The following SPO11 variants were observed in gnomAD, a reference collection of about 807,000 sequenced individuals.
SPO11 encodes meiotic recombination protein SPO11.
In SPO11, 49 loss-of-function variants were observed where a neutral mutation model predicts 51.6. The ratio of observed to expected loss-of-function variants is 0.95; its 90% CI spans 0.75 to 1.20. The LOEUF (loss-of-function observed/expected upper bound fraction) is 1.20. Among genes scored for constraint, SPO11 ranks in the 50% most tolerant of loss-of-function variants. SPO11 has a pLI of 0.00. For synonymous variants in SPO11, 176 were observed against 158.2 expected (o/e 1.11, Z -0.84); for missense variants, 431 against 473.4 (o/e 0.91, Z 0.83).
chr20:57,339,761 CAG>C (rs1235907822), intron 10 of SPO11, among the ~76,000 whole-genome samples: 4 of 152,214 alleles, frequency 2.6e-5, no homozygotes, highest in African/African-American at 9.6e-5. Flanking sequence ...TGTTTTGAGA[CAG>C]GGTCTCACTC....
At chr20:57,331,067 A>G (rs943326468) in intron 1 of SPO11, among the ~76,000 whole-genome samples, 1 of 152,236 alleles carries the variant, frequency 6.6e-6, no homozygotes, top group Non-Finnish European at 1.5e-5. Flanking sequence ...CCCGTTTTCT[A>G]GAGTGCATTT....
intron 1 of SPO11, among the ~76,000 whole-genome samples, chr20:57,331,580 A>G (rs2066450802): frequency 6.6e-6 from 1 of 152,234 alleles, no homozygotes; most frequent in Non-Finnish European, 1.5e-5. Context: ...GAGAAGTAAA[A>G]TTACAAGCAA....
chr20:57,330,967 G>A (rs979256436), intron 1 of SPO11, among the ~76,000 whole-genome samples: 3 of 152,132 alleles, frequency 2.0e-5, no homozygotes, highest in Non-Finnish European at 2.9e-5. Context: ...TATTAGAATA[G>A]ATTAAATGTT....
At chr20:57,340,753 C>G (rs913685519) in intron 11 of SPO11, among the ~76,000 whole-genome samples, 1 of 151,512 alleles carries the variant, frequency 6.6e-6, no homozygotes, top group African/African-American at 2.4e-5. Flanking sequence ...GGTGACAGAG[C>G]TTGACTCTGT....
chr20:57,338,683 A>T (rs572910113), intron 9 of SPO11, among the ~76,000 whole-genome samples: 10 of 151,956 alleles, frequency 6.6e-5, no homozygotes, highest in African/African-American at 2.2e-4. Flanking sequence ...GACCTCAGGT[A>T]ATCTGCCCAC....
At chr20:57,334,173 G>A in intron 5 of SPO11, 78 bp downstream of exon 5, 1 of 414,820 alleles carries the variant, frequency 2.4e-6, no homozygotes, top group Non-Finnish European at 3.6e-6. Flanking sequence ...TTTTTTTTTT[G>A]AGACGGAGTC....
intron 6 of SPO11, 35 bp downstream of exon 6, chr20:57,334,871 C>T (rs762663685): frequency 1.3e-6 from 2 of 1,528,010 alleles, no homozygotes; most frequent in African/African-American, 1.4e-5. Flanking sequence ...ACAGCTTTAA[C>T]TCTTCTAGCT....
In SPO11 at chr20:57,333,242, C is replaced by G. The variant is rs780860543; in HGVS notation, c.300C>G (p.Ile100Met). 1.9e-6 allele frequency: 3 copies of G among 1,609,820 alleles called. No homozygotes were observed. The highest frequency in any genetic ancestry group is 4.5e-5 in the East Asian group (2 of 44,678). ...TATCCCATTGCACCACCAGAAAGAT[C>G]AAAAGTGATTCACCAAAATCAGCTC... is the stretch of plus-strand genomic sequence containing the variant. ...QMVSHCTTRK[I>M]KSDSPKSAQK... Residue 100 changes from isoleucine (I) to methionine (M), a missense_variant, in exon 3 of 13, where the codon ATC (isoleucine) becomes ATG (methionine). Physicochemically the swap from Ile to Met is conservative, Grantham distance 10. Coordinates refer to ENST00000371263, the MANE Select transcript of SPO11 (RefSeq NM_012444.3).
At chr20:57,342,389 C>G (rs2066593198) in intron 11 of SPO11, among the ~76,000 whole-genome samples, 1 of 152,240 alleles carries the variant, frequency 6.6e-6, no homozygotes, top group Non-Finnish European at 1.5e-5. Context: ...CATTATTAAG[C>G]TGCCCTGGTA....
Position 57,329,986 on chromosome 20 carries a change from G to T in SPO11, c.119G>T (p.Arg40Leu). 1 of 1,601,336 alleles carries T rather than the reference G, an allele frequency of 6.2e-7. No homozygotes were observed. Among genetic ancestry groups the T allele is most frequent in the Non-Finnish European group, 8.5e-7 (1 of 1,175,400 alleles). ...GGREPPTGGS[R>L]LASSSEVLAS... Reference sequence around the variant, plus strand: ...AGGGAGCCCCCAACTGGGGGAAGCCGCCTGGCCTCCAGGTACAGGAGCTGG... The same window carrying T: ...AGGGAGCCCCCAACTGGGGGAAGCCTCCTGGCCTCCAGGTACAGGAGCTGG... The change falls in exon 1 of 13, where the codon CGC becomes CTC. Residue 40 changes from arginine to leucine, a missense_variant. Physicochemically the swap from Arg to Leu is moderately radical, Grantham distance 102 (BLOSUM62 -2). Around this residue, in one of 3 missense-constraint regions of SPO11, gnomAD observed 405 missense variants for 425.9 expected, o/e 0.95. Coordinates refer to ENST00000371263, the MANE Select transcript of SPO11 (RefSeq NM_012444.3).
intron 12 of SPO11, among the ~76,000 whole-genome samples, 175 bp downstream of exon 12, chr20:57,343,015 A>G (rs2066602100): frequency 6.6e-6 from 1 of 152,220 alleles, no homozygotes; most frequent in South Asian, 2.1e-4. Flanking sequence ...ATGCTAATAG[A>G]TGAGATCAGT....
At chr20:57,342,904 T>G (rs562203837) in intron 12 of SPO11, 64 bp downstream of exon 12, 3 of 1,105,110 alleles carry the variant, frequency 2.7e-6, no homozygotes, top group African/African-American at 3.1e-5. Flanking sequence ...GTAGTGGCTA[T>G]TCACATCGTA....
chr20:57,339,120 C>A, intron 10 of SPO11, 94 bp downstream of exon 10: 1 of 783,680 alleles, frequency 1.3e-6, no homozygotes, highest in South Asian at 2.2e-5. Context: ...CCCAAGCAGG[C>A]TGAGAGTGCC....
intron 1 of SPO11, 58 bp from the exon 2 acceptor site, chr20:57,331,775 A>G: frequency 1.0e-6 from 1 of 954,340 alleles, no homozygotes; most frequent in Non-Finnish European, 1.5e-6. Flanking sequence ...AAAATCTTAC[A>G]TATTAAAAAG....
At position 57,343,410 on chromosome 20, in the gene SPO11, C is replaced by T. The variant is rs756297740; in HGVS notation, c.1141C>T (p.Leu381Phe). 6.2e-7 allele frequency: 1 copy of T among 1,611,574 alleles called. No individual in the cohort carries two copies. The highest frequency in any genetic ancestry group is 2.2e-5 in the East Asian group (1 of 44,708). Reference sequence around the variant, plus strand: ...TTTGACTTTCCTATCATCAGATTATCTTTCCAGAGTGTACTTACCTAACAA... The same window carrying T: ...TTTGACTTTCCTATCATCAGATTATTTTTCCAGAGTGTACTTACCTAACAA... ...QALTFLSSDY[L>F]SRVYLPNKLK... Residue 381 changes from leucine (L) to phenylalanine (F), a missense_variant, in exon 13 of 13, where the codon CTT becomes TTT. Coordinates refer to ENST00000371263, the MANE Select transcript of SPO11 (RefSeq NM_012444.3).
At chr20:57,341,798 T>G (rs1325386221) in intron 11 of SPO11, among the ~76,000 whole-genome samples, 1 of 152,220 alleles carries the variant, frequency 6.6e-6, no homozygotes, top group African/African-American at 2.4e-5. Context: ...TGATAATTAG[T>G]AAGGTGAATA....
At position 57,333,267 on chromosome 20, in the gene SPO11, C is replaced by A; in HGVS notation, c.325C>A (p.Gln109Lys). Residue 109 changes from glutamine (Q) to lysine (K), a missense_variant, in exon 3 of 13, where the codon CAA (glutamine) becomes AAA (lysine). By Grantham distance (53) the Gln-to-Lys change is moderately conservative. Coordinates refer to ENST00000371263, the MANE Select transcript of SPO11 (RefSeq NM_012444.3). ...KIKSDSPKSA[Q>K]KFSLILKILS... is the part of the protein sequence containing the mutation. ...CAAAAGTGATTCACCAAAATCAGCT[C>A]AAAAATTTTGTAAGTTAATTGTTCT... is the stretch of plus-strand genomic sequence containing the variant. The A allele has an allele frequency of 2.5e-6, 4 of 1,603,536 alleles. No homozygotes were observed. Among genetic ancestry groups the A allele is most frequent in the Non-Finnish European group, 3.4e-6 (4 of 1,176,888 alleles).
chr20:57,333,848 C>T, intron 4 of SPO11, 95 bp downstream of exon 4: 1 of 950,512 alleles, frequency 1.1e-6, no homozygotes, highest in Admixed American at 2.4e-5. Context: ...TTACATAAGA[C>T]TAAACTATAG....
chr20:57,333,603 T>G, intron 3 of SPO11, 84 bp from the exon 4 acceptor site: 2 of 797,006 alleles, frequency 2.5e-6, no homozygotes, highest in East Asian at 5.1e-5. Context: ...TTAACTAAAA[T>G]TAAGTTAAAA....
Sources: gnomAD v4.1 joint callset for allele counts (sites outside exome capture counted in the v4.1 genomes callset) on GRCh38, gnomAD v4.1.1 for gene constraint, gnomAD v4.1.1 regional missense constraint, MANE v1.5 for transcripts, NCBI Gene and HGNC (gene_info 2026-07-23, HGNC 2026-07-21) for gene names.